COL28A1: variants seen among roughly 807,000 people sequenced by gnomAD.
COL28A1 encodes the protein collagen type XXVIII alpha 1 chain, also known as collagen alpha-1(XXVIII) chain.
A neutral mutation model predicts 150.2 loss-of-function variants in COL28A1; 161 were observed. The ratio of observed to expected loss-of-function variants is 1.07; its 90% CI spans 0.94 to 1.22. The LOEUF (loss-of-function observed/expected upper bound fraction) is 1.22, where lower values mean the gene tolerates loss of function less well. COL28A1 is among the 50% of genes most tolerant of loss of function. The pLI, the probability that COL28A1 is intolerant of heterozygous loss-of-function variation, is 0.00. For missense variants in COL28A1, 1,617 were observed against 1,388.3 expected (o/e 1.16, Z -2.62); for synonymous variants, 552 against 469.7 (o/e 1.18, Z -2.26).
intron 30 of COL28A1, among the ~76,000 whole-genome samples, chr7:7,375,773 A>G (rs1156910081): frequency 6.6e-6 from 1 of 152,194 alleles, no homozygotes; most frequent in Non-Finnish European, 1.5e-5. Context: ...TGGTGCCCTA[A>G]CAGTATCTGT....
chr7:7,384,136 C>G (rs1304408409), intron 27 of COL28A1, among the ~76,000 whole-genome samples: 1 of 152,136 alleles, frequency 6.6e-6, no homozygotes, highest in Admixed American at 6.5e-5. Flanking sequence ...AAAATAAGTT[C>G]TTTACAGGGG....
chr7:7,429,820 G>C (rs78497479), intron 25 of COL28A1, among the ~76,000 whole-genome samples: 6,422 of 152,212 alleles, frequency 0.042, 199 homozygotes, highest in South Asian at 0.076. Flanking sequence ...TCTCCCCCGG[G>C]CTCTGCCTGC....
chr7:7,461,708 C>A (rs1320329827), intron 15 of COL28A1, among the ~76,000 whole-genome samples: 1 of 152,120 alleles, frequency 6.6e-6, no homozygotes, highest in Non-Finnish European at 1.5e-5. Context: ...CTCTCCCTTA[C>A]CCCCACAGCA....
intron 3 of COL28A1, among the ~76,000 whole-genome samples, chr7:7,529,289 CAAAA>C (rs5882129): frequency 7.9e-6 from 1 of 127,280 alleles, no homozygotes; most frequent in Non-Finnish European, 1.6e-5. Flanking sequence ...AACTCTGTCT[CAAAA>C]AAAAAAAAAA....
intron 27 of COL28A1, among the ~76,000 whole-genome samples, chr7:7,408,630 C>T (rs918662591): frequency 7.2e-5 from 11 of 152,168 alleles, no homozygotes; most frequent in African/African-American, 2.7e-4. Context: ...AGTGCAGCTA[C>T]ACATGCCAGC....
intron 27 of COL28A1, among the ~76,000 whole-genome samples, chr7:7,403,294 G>C (rs1408934822): frequency 1.3e-5 from 2 of 152,118 alleles, no homozygotes; most frequent in African/African-American, 4.8e-5. Context: ...AAGCCGAGGG[G>C]AGGAGAAGAC....
At chr7:7,529,596 C>T (rs1782231576) in intron 3 of COL28A1, among the ~76,000 whole-genome samples, 1 of 152,172 alleles carries the variant, frequency 6.6e-6, no homozygotes, top group Admixed American at 6.5e-5. Flanking sequence ...TGCCAAGAGC[C>T]TGTGTTCTCA....
At chr7:7,418,135 C>CTATG (rs1784207177) in intron 26 of COL28A1, among the ~76,000 whole-genome samples, 1 of 152,232 alleles carries the variant, frequency 6.6e-6, no homozygotes, top group Non-Finnish European at 1.5e-5. Context: ...TAAATATAAT[C>CTATG]CAAATAAAAA....
upstream of COL28A1, among the ~76,000 whole-genome samples, chr7:7,536,051 A>C (rs1583595875): frequency 6.6e-6 from 1 of 151,998 alleles, no homozygotes; most frequent in Admixed American, 6.6e-5. Flanking sequence ...ACTTGAGAGA[A>C]CTTTCTACAT....
intron 33 of COL28A1, among the ~76,000 whole-genome samples, chr7:7,364,159 C>G (rs1410718862): frequency 6.6e-6 from 1 of 152,200 alleles, no homozygotes; most frequent in African/African-American, 2.4e-5. Flanking sequence ...CCTTCTGACT[C>G]TTCTATACTC....
chr7:7,442,173 T>C (rs1785848560), intron 20 of COL28A1, among the ~76,000 whole-genome samples: 1 of 152,180 alleles, frequency 6.6e-6, no homozygotes, highest in African/African-American at 2.4e-5. Flanking sequence ...GTAGCCTCTC[T>C]TTCCAATGCA....
Position 7,425,400 on chromosome 7 carries a change from G to A in COL28A1, c.1999-5447C>T, listed in dbSNP as rs545119875. Reference sequence around the variant, plus strand: ...ACTGTAAAAGTCCTTTCCCTACATCGCCAGTCACACCCTCTCAAGGAGAAG... The same window carrying A: ...ACTGTAAAAGTCCTTTCCCTACATCACCAGTCACACCCTCTCAAGGAGAAG... On this transcript the variant is annotated intron_variant, in intron 25 of 34. Transcript: ENST00000399429. Among the ~76,000 whole-genome samples the A allele has an allele frequency of 7.9e-5, 12 of 152,212 alleles. No homozygotes were observed. The South Asian group carries it at 1.7e-3, about 21-fold the overall frequency.
At chr7:7,364,204 A>G (rs1780816839) in intron 33 of COL28A1, among the ~76,000 whole-genome samples, 1 of 152,176 alleles carries the variant, frequency 6.6e-6, no homozygotes, top group African/African-American at 2.4e-5. Context: ...CTTTAGTCCT[A>G]TCCTATTGAA....
At chr7:7,472,681 A>G (rs2128348844) in intron 15 of COL28A1, among the ~76,000 whole-genome samples, 1 of 152,316 alleles carries the variant, frequency 6.6e-6, no homozygotes, top group East Asian at 1.9e-4. Flanking sequence ...CAATTCTGAA[A>G]TTCATATGCA....
intron 27 of COL28A1, among the ~76,000 whole-genome samples, chr7:7,383,250 T>G (rs1457551420): frequency 9.3e-5 from 10 of 107,212 alleles, no homozygotes; most frequent in South Asian, 7.2e-4. Flanking sequence ...CTTTTTTTTG[T>G]TGTGTGTGTG....
intron 9 of COL28A1, 27 bp downstream of exon 9, chr7:7,511,064 T>G: frequency 6.2e-7 from 1 of 1,601,344 alleles, no homozygotes; most frequent in Non-Finnish European, 8.6e-7. Context: ...ATCACAGCTG[T>G]AAGCAGTTTA....
chr7:7,456,913 G>GA (rs2128334949), intron 15 of COL28A1, among the ~76,000 whole-genome samples: 1 of 152,340 alleles, frequency 6.6e-6, no homozygotes, highest in Admixed American at 6.5e-5. Context: ...TTTTGGTTAA[G>GA]ATGTCCAGAG....
At chr7:7,529,772 T>C (rs1782243856) in intron 3 of COL28A1, among the ~76,000 whole-genome samples, 1 of 152,226 alleles carries the variant, frequency 6.6e-6, no homozygotes, top group Non-Finnish European at 1.5e-5. Context: ...CATGACCACA[T>C]CACCAGGATT....
chr7:7,341,952 A>G, the COL28A1 span, among the ~76,000 whole-genome samples: 1 of 152,114 alleles, frequency 6.6e-6, no homozygotes, highest in African/African-American at 2.4e-5. Context: ...ATATACTTCC[A>G]TTTCATCAAA....
Sources: gnomAD v4.1 joint callset for allele counts (sites outside exome capture counted in the v4.1 genomes callset) on GRCh38, gnomAD v4.1.1 for gene constraint, MANE v1.5 for transcripts, NCBI Gene and HGNC (gene_info 2026-07-23, HGNC 2026-07-21) for gene names.